CACNA2D1: variants seen among roughly 807,000 people sequenced by gnomAD.
CACNA2D1 encodes calcium voltage-gated channel auxiliary subunit alpha2delta 1.
A neutral mutation model predicts 171.5 loss-of-function variants in CACNA2D1; 53 were observed. The observed-to-expected ratio is 0.31, with a 90% CI of 0.25 to 0.39. The LOEUF is 0.39. Ranked by LOEUF, CACNA2D1 falls within the 10% of genes least tolerant of loss-of-function variation. The probability of loss-of-function intolerance (pLI) is 1.00; values close to 1 mark genes in which losing one functional copy is unlikely to be tolerated. For missense variants in CACNA2D1, 903 were observed against 1,299.8 expected (o/e 0.69, Z 4.69); for synonymous variants, 442 against 443.1 (o/e 1.00, Z 0.03).
At chr7:82,050,918 T>C (rs1584543863) in intron 10 of CACNA2D1, 2 of 350,122 alleles carry the variant, frequency 5.7e-6, no homozygotes, top group East Asian at 1.3e-4. Context: ...ACTAGTAGTT[T>C]CCAAAGCTGC....
intron 1 of CACNA2D1, among the ~76,000 whole-genome samples, chr7:82,401,112 T>G (rs1269238269): frequency 6.6e-6 from 1 of 152,168 alleles, no homozygotes; most frequent in Non-Finnish European, 1.5e-5. Flanking sequence ...TTGGTGGGAC[T>G]GTAAACTAGT....
At chr7:82,142,986 T>C (rs1216766110) in intron 4 of CACNA2D1, among the ~76,000 whole-genome samples, 1 of 152,172 alleles carries the variant, frequency 6.6e-6, no homozygotes, top group African/African-American at 2.4e-5. Flanking sequence ...CCAACAGCAC[T>C]GTAACACTGT....
chr7:82,053,442 TTAA>T (rs149942623), intron 10 of CACNA2D1, among the ~76,000 whole-genome samples: 4,275 of 152,190 alleles, frequency 0.028, 61 homozygotes, highest in Non-Finnish European at 0.042. Flanking sequence ...TAAAAATGTA[TTAA>T]TGATTATTTT....
intron 1 of CACNA2D1, among the ~76,000 whole-genome samples, chr7:82,367,173 G>A (rs1585676762): frequency 6.6e-6 from 1 of 152,072 alleles, no homozygotes; most frequent in South Asian, 2.1e-4. Context: ...GCCTCCCAAA[G>A]GGGTAGGATT....
intron 3 of CACNA2D1, among the ~76,000 whole-genome samples, chr7:82,275,929 C>T (rs532780731): frequency 7.2e-5 from 11 of 152,262 alleles, no homozygotes; most frequent in South Asian, 2.1e-4. Flanking sequence ...TCCACCATAA[C>T]GGACATATCA....
intron 3 of CACNA2D1, among the ~76,000 whole-genome samples, chr7:82,313,907 T>C (rs1251675934): frequency 3.3e-5 from 5 of 152,176 alleles, no homozygotes; most frequent in African/African-American, 1.2e-4. Context: ...AATATATTAC[T>C]CCAAAATCAG....
intron 3 of CACNA2D1, among the ~76,000 whole-genome samples, chr7:82,237,729 T>C (rs1055367546): frequency 3.0e-4 from 45 of 152,104 alleles, no homozygotes; most frequent in African/African-American, 1.0e-3. Flanking sequence ...TTACAAAGTG[T>C]ATTCAAATAT....
intron 6 of CACNA2D1, among the ~76,000 whole-genome samples, chr7:82,087,650 C>T (rs1810634472): frequency 6.6e-6 from 1 of 151,792 alleles, no homozygotes; most frequent in African/African-American, 2.4e-5. Flanking sequence ...GGGTTATCTG[C>T]CTATATTTTT....
At chr7:82,227,222 A>G (rs1802456659) in intron 3 of CACNA2D1, among the ~76,000 whole-genome samples, 2 of 152,218 alleles carry the variant, frequency 1.3e-5, no homozygotes, top group Admixed American at 1.3e-4. Flanking sequence ...CTGAAAGAAC[A>G]AGTCTTCAAG....
chr7:81,989,774 A>G (rs1402609987), intron 21 of CACNA2D1, among the ~76,000 whole-genome samples: 8 of 152,204 alleles, frequency 5.3e-5, no homozygotes, highest in Admixed American at 5.2e-4. Flanking sequence ...GCCAAATTCA[A>G]CTATGATGAA....
intron 2 of CACNA2D1, among the ~76,000 whole-genome samples, chr7:82,338,577 T>A (rs962774854): frequency 2.0e-5 from 3 of 152,160 alleles, no homozygotes; most frequent in Non-Finnish European, 4.4e-5. Context: ...TTATTCACTT[T>A]AAGAAATCTA....
intron 4 of CACNA2D1, among the ~76,000 whole-genome samples, chr7:82,169,486 A>T (rs1422023671): frequency 6.6e-6 from 1 of 152,084 alleles, no homozygotes. Context: ...AATAAATAAT[A>T]TCACAAGTAT....
At chr7:82,037,369 C>T (rs1312387990) in intron 11 of CACNA2D1, among the ~76,000 whole-genome samples, 2 of 152,100 alleles carry the variant, frequency 1.3e-5, no homozygotes, top group Non-Finnish European at 1.5e-5. Flanking sequence ...ATCCCAGCTA[C>T]TTGGGAGGCT....
At chr7:82,055,754 G>T (rs1805773990) in intron 10 of CACNA2D1, among the ~76,000 whole-genome samples, 1 of 100,386 alleles carries the variant, frequency 1.0e-5, no homozygotes, top group Non-Finnish European at 1.8e-5. Context: ...CACACACCAG[G>T]TCCTGTTGTA....
chr7:81,960,252 T>C (rs555835536), intron 36 of CACNA2D1, among the ~76,000 whole-genome samples: 1 of 152,168 alleles, frequency 6.6e-6, no homozygotes, highest in East Asian at 1.9e-4. Flanking sequence ...CAGAGAAAAG[T>C]CTGGAACAGT....
At chr7:82,316,088 TTA>T (rs1815087647) in intron 3 of CACNA2D1, among the ~76,000 whole-genome samples, 1 of 152,148 alleles carries the variant, frequency 6.6e-6, no homozygotes, top group African/African-American at 2.4e-5. Flanking sequence ...ATAAGTTTGC[TTA>T]TGTTTTAAAA....
At chr7:82,256,013 A>G (rs1806254730) in intron 3 of CACNA2D1, among the ~76,000 whole-genome samples, 1 of 152,174 alleles carries the variant, frequency 6.6e-6, no homozygotes, top group South Asian at 2.1e-4. Flanking sequence ...GCAGTGGCTC[A>G]CACCTGTAAT....
intron 3 of CACNA2D1, among the ~76,000 whole-genome samples, chr7:82,192,454 TTGTGTTTGTGTGTGTGTGTGTGTG>T (rs1798404241): frequency 4.2e-5 from 4 of 94,782 alleles, no homozygotes; most frequent in Non-Finnish European, 8.8e-5. Flanking sequence ...GTATGTGTGT[TTGTGTTTGTGTGTGTGTGTGTGTG>T]TGTGTGTGTG....
intron 5 of CACNA2D1, among the ~76,000 whole-genome samples, chr7:82,123,075 C>A (rs141260481): frequency 7.2e-5 from 11 of 152,256 alleles, no homozygotes; most frequent in Admixed American, 3.3e-4. Flanking sequence ...CATGTTTAAA[C>A]CATCTTTGCA....
Sources: allele counts gnomAD v4.1 joint callset (sites outside exome capture counted in the v4.1 genomes callset), GRCh38; gene constraint gnomAD v4.1.1; transcripts MANE v1.5; gene names NCBI Gene and HGNC (gene_info 2026-07-23, HGNC 2026-07-21).